KDM4B: variants seen among roughly 807,000 people sequenced by gnomAD.
The protein encoded by KDM4B is lysine demethylase 4B, also known as lysine-specific demethylase 4B.
Under a neutral mutation model 125.2 loss-of-function variants are expected in KDM4B, and 32 were observed. The observed-to-expected ratio is 0.26, with a 90% CI of 0.19 to 0.34. The LOEUF (loss-of-function observed/expected upper bound fraction) is 0.34. KDM4B is among the 10% of genes least tolerant of loss of function. KDM4B has a pLI of 1.00. For missense variants in KDM4B, 1,190 were observed against 1,577.7 expected (o/e 0.75, Z 4.16); for synonymous variants, 721 against 677.9 (o/e 1.06, Z -0.99).
chr19:5,071,264 G>C (rs1168529995), intron 7 of KDM4B, among the ~76,000 whole-genome samples: 1 of 152,248 alleles, frequency 6.6e-6, no homozygotes, highest in Admixed American at 6.5e-5. Flanking sequence ...CTGCCGCGCA[G>C]TTTGTCTCTT....
chr19:4,970,037 G>A (rs11879865), intron 1 of KDM4B, among the ~76,000 whole-genome samples: 6,480 of 152,108 alleles, frequency 0.043, 438 homozygotes, highest in African/African-American at 0.15. Flanking sequence ...CCCCTTTTCT[G>A]TGTCCCCCGT....
At chr19:4,986,458 T>G (rs2034834966) in intron 1 of KDM4B, among the ~76,000 whole-genome samples, 2 of 152,206 alleles carry the variant, frequency 1.3e-5, no homozygotes, top group South Asian at 4.1e-4. Flanking sequence ...GTCAGCTGAC[T>G]CTGCTGTCCC....
chr19:4,975,578 T>C (rs558153690), intron 1 of KDM4B, among the ~76,000 whole-genome samples: 78 of 151,014 alleles, frequency 5.2e-4, no homozygotes, highest in Non-Finnish European at 1.0e-3. Context: ...TGGACATTCC[T>C]TGTTGAGTGA....
intron 2 of KDM4B, among the ~76,000 whole-genome samples, chr19:5,024,880 G>A (rs145044566): frequency 0.013 from 1,956 of 152,300 alleles, 43 homozygotes; most frequent in African/African-American, 0.044. Flanking sequence ...CCCGGGAAAC[G>A]GAGGTTTCAG....
At chr19:5,130,002 C>T (rs1006533666) in intron 11 of KDM4B, among the ~76,000 whole-genome samples, 1 of 152,224 alleles carries the variant, frequency 6.6e-6, no homozygotes, top group Non-Finnish European at 1.5e-5. Context: ...CAGGGACAGG[C>T]CCTCCTGGGC....
At position 5,082,310 on chromosome 19, in the gene KDM4B, C is replaced by G; in HGVS notation, c.781-57C>G. On this transcript the variant is annotated intron_variant, in intron 8 of 22. Coordinates refer to ENST00000159111, the MANE Select transcript of KDM4B (RefSeq NM_015015.3). The surrounding 1 kb of genome is among the most constrained non-coding windows in gnomAD (Gnocchi z 5.4). ...CACTTGCTGGGAAGTGCCCACGTCC[C>G]ATCCCCTGGTGCGCCTCTGGTGGCC... The G allele has an allele frequency of 6.2e-7, 1 of 1,608,092 alleles. No individual in the cohort carries two copies. The highest frequency in any genetic ancestry group is 1.7e-5 in the Admixed American group (1 of 59,616).
Position 4,969,357 on chromosome 19 carries a change from G to C in KDM4B, c.-109+127G>C, listed in dbSNP as rs1356045104. 6.2e-5 allele frequency: 9 copies of C among 145,936 alleles called. No individual in the cohort carries two copies. The South Asian group carries it at 1.9e-3, about 30-fold the overall frequency. 9.0% of individuals were successfully genotyped at this position (145,936 alleles called of 1,614,324 possible). Reference sequence around the variant, plus strand: ...GAGGCCCAGGCCTCGGGCGCGGCCTGCTCGGGCCGGGCCTCGCGCTTTGTC... The same window carrying C: ...GAGGCCCAGGCCTCGGGCGCGGCCTCCTCGGGCCGGGCCTCGCGCTTTGTC... On this transcript the variant is annotated intron_variant, in intron 1 of 22. Coordinates refer to ENST00000159111, the MANE Select transcript of KDM4B (RefSeq NM_015015.3).
intron 1 of KDM4B, among the ~76,000 whole-genome samples, chr19:4,998,692 C>A (rs1017975650): frequency 6.6e-6 from 1 of 152,176 alleles, no homozygotes; most frequent in Admixed American, 6.5e-5. Flanking sequence ...CCAGGATCAA[C>A]ACAGCACTCA....
chr19:5,094,555 G>A (rs1392598019), intron 9 of KDM4B, among the ~76,000 whole-genome samples: 1 of 152,166 alleles, frequency 6.6e-6, no homozygotes, highest in East Asian at 1.9e-4. Context: ...GGGGTCTGTG[G>A]GCGTGGGAAG....
At chr19:5,117,806 G>T (rs777263379) in intron 10 of KDM4B, among the ~76,000 whole-genome samples, 3 of 152,118 alleles carry the variant, frequency 2.0e-5, no homozygotes. Flanking sequence ...GCGACCTTGT[G>T]TGCACCATGC....
intron 6 of KDM4B, among the ~76,000 whole-genome samples, chr19:5,055,117 A>G (rs1477722851): frequency 1.3e-5 from 2 of 152,134 alleles, no homozygotes; most frequent in Non-Finnish European, 2.9e-5. Context: ...AACCTCACTC[A>G]CGTTAAGCAA....
intron 2 of KDM4B, among the ~76,000 whole-genome samples, chr19:5,032,664 C>T (rs964489884): frequency 4.6e-5 from 7 of 152,218 alleles, no homozygotes; most frequent in Non-Finnish European, 1.0e-4. Flanking sequence ...TTAGCTGCAG[C>T]CCTCGTGCCT....
intron 9 of KDM4B, 32 bp from the exon 10 acceptor site, chr19:5,110,590 C>T (rs199745544): frequency 1.6e-5 from 26 of 1,609,776 alleles, no homozygotes; most frequent in Non-Finnish European, 1.9e-5. Context: ...CCAGGTGTGG[C>T]GCGAGGGCTC....
intron 2 of KDM4B, among the ~76,000 whole-genome samples, chr19:5,019,345 G>T: frequency 7.1e-6 from 1 of 141,064 alleles, no homozygotes; most frequent in Admixed American, 7.3e-5. Flanking sequence ...TGTTGGTGTG[G>T]GTGTTGGTGT....
At chr19:5,123,590 G>T (rs541022637) in intron 11 of KDM4B, among the ~76,000 whole-genome samples, 7 of 152,380 alleles carry the variant, frequency 4.6e-5, no homozygotes, top group African/African-American at 1.7e-4. Flanking sequence ...ACTCAGCTCT[G>T]CAGCAGGCGA....
intron 11 of KDM4B, among the ~76,000 whole-genome samples, chr19:5,128,205 TG>T (rs2039482373): frequency 6.6e-6 from 1 of 151,850 alleles, no homozygotes. Context: ...GAGGGGTGGG[TG>T]GGGGTGCCGG....
intron 6 of KDM4B, among the ~76,000 whole-genome samples, chr19:5,066,908 T>C (rs2037787054): frequency 6.6e-6 from 1 of 152,188 alleles, no homozygotes; most frequent in Non-Finnish European, 1.5e-5. Context: ...CTGGGGGTGC[T>C]GTGGACAGTG....
intron 2 of KDM4B, among the ~76,000 whole-genome samples, chr19:5,024,543 G>T (rs899789733): frequency 1.3e-5 from 2 of 151,942 alleles, no homozygotes; most frequent in Admixed American, 1.3e-4. Flanking sequence ...GGGTGGGGCC[G>T]CCCATAAGAT....
At chr19:5,020,357 G>A (rs2036075127) in intron 2 of KDM4B, among the ~76,000 whole-genome samples, 3 of 152,032 alleles carry the variant, frequency 2.0e-5, no homozygotes, top group Non-Finnish European at 2.9e-5. Flanking sequence ...TGGTGTGCAG[G>A]TGCTGCTGTG....
Sources: allele counts gnomAD v4.1 joint callset (sites outside exome capture counted in the v4.1 genomes callset), GRCh38; gene constraint gnomAD v4.1.1; non-coding constraint Gnocchi (gnomAD v3.1); transcripts MANE v1.5; gene names NCBI Gene and HGNC (gene_info 2026-07-23, HGNC 2026-07-21).